Variants in ANKRD31 observed in about 807,000 individuals in gnomAD.
ANKRD31 encodes the protein ankyrin repeat domain-containing protein 31.
Under a neutral mutation model 186.0 loss-of-function variants are expected in ANKRD31, and 147 were observed. The observed-to-expected ratio is 0.79, with a 90% CI of 0.69 to 0.91. The LOEUF (loss-of-function observed/expected upper bound fraction) is 0.91. Among genes scored for constraint, ANKRD31 ranks in the 40% least tolerant of loss-of-function variants. The pLI is 0.00. For synonymous variants in ANKRD31, 673 were observed against 736.4 expected, an observed-to-expected ratio of 0.91 and a Z score of 1.39; for missense variants, 1,986 against 2,148.8, an observed-to-expected ratio of 0.92 and a Z score of 1.50.
intron 17 of ANKRD31, among the ~76,000 whole-genome samples, chr5:75,120,934 C>G (rs575626617): frequency 6.6e-6 from 1 of 152,078 alleles, no homozygotes; most frequent in Non-Finnish European, 1.5e-5. Context: ...CCTGTAATCC[C>G]AGCACTTTGG....
At chr5:75,089,046 C>A (rs1745730299) in intron 23 of ANKRD31, among the ~76,000 whole-genome samples, 1 of 152,154 alleles carries the variant, frequency 6.6e-6, no homozygotes, top group Admixed American at 6.5e-5. Context: ...GATATTAGAT[C>A]AGAAGTTATG....
In ANKRD31 at chr5:75,193,439, T is replaced by A; in HGVS notation, c.1170A>T (p.Leu390=). 1.3e-6 allele frequency: 2 copies of A among 1,537,410 alleles called. No individual in the cohort carries two copies. Among genetic ancestry groups the A allele is most frequent in the Non-Finnish European group, 1.7e-6 (2 of 1,146,822 alleles). Residue 390 remains leucine, a synonymous_variant, in exon 8 of 26, where the codon CTA becomes CTT. Transcript: ENST00000506364. ...TACVLRRSSR[L]EKLKVSRDAK... is the part of the protein sequence containing the mutation. ...CATCTCTGCTTACTTTCAGTTTTTC[T>A]AGTCTGGATGATCTCCTCAACACAC...
intron 11 of ANKRD31, among the ~76,000 whole-genome samples, chr5:75,166,072 T>A (rs1391240331): frequency 6.6e-6 from 1 of 152,204 alleles, no homozygotes; most frequent in Non-Finnish European, 1.5e-5. Flanking sequence ...GTATTATGTC[T>A]GGGATTTCTT....
Position 75,116,615 on chromosome 5 carries a change from T to A in ANKRD31, c.4106A>T (p.Asp1369Val). 6.8e-7 allele frequency: 1 copy of A among 1,475,102 alleles called. No homozygotes were observed. The highest frequency in any genetic ancestry group is 9.0e-7 in the Non-Finnish European group (1 of 1,108,426). 91.4% of individuals were successfully genotyped at this position (1,475,102 alleles called of 1,614,324 possible). ...TTCTTGGTGTGAAAGGGAAGATGAGTCAATAGTTTTGCCATCATCACAAAA... is the reference window on the plus strand; with the variant it reads ...TTCTTGGTGTGAAAGGGAAGATGAGACAATAGTTTTGCCATCATCACAAAA... ...QCFCDDGKTI[D>V]SSSLSHQERS... The change falls in exon 19 of 26, where the codon GAC becomes GTC. Residue 1369 changes from aspartate (D) to valine (V), a missense_variant. Physicochemically the swap from Asp to Val is radical, Grantham distance 152 (BLOSUM62 -3). Transcript: ENST00000506364.
chr5:75,146,531 T>G lies in ANKRD31; in HGVS notation c.2880A>C (p.Ala960=), dbSNP rs945719828. The G allele has an allele frequency of 1.2e-5, 19 of 1,536,446 alleles. No homozygotes were observed. In the African/African-American group the frequency reaches 2.5e-4, roughly 20 times the overall value. Residue 960 remains alanine, a synonymous_variant, in exon 14 of 26, where the codon GCA becomes GCC. Transcript: ENST00000506364. ...DHLSQENELK[A]VSLTTLPEQE... is the part of the protein sequence containing the mutation. ...GTTCTGGAAGTGTGGTTAGGCTGAC[T>G]GCTTTTAACTCATTTTCCTGTGAAA...
At chr5:75,207,836 T>A (rs1210098568) in intron 4 of ANKRD31, among the ~76,000 whole-genome samples, 2 of 152,074 alleles carry the variant, frequency 1.3e-5, no homozygotes, top group African/African-American at 4.8e-5. Flanking sequence ...AATGAACTTA[T>A]AATGTTGGTA....
rs1751503039 is a variant in ANKRD31 at position 75,147,129 on chromosome 5, C to G, written c.2282G>C (p.Arg761Thr). 1.3e-6 allele frequency: 2 copies of G among 1,536,218 alleles called. No homozygotes were observed. Among genetic ancestry groups the G allele is most frequent in the African/African-American group, 2.7e-5 (2 of 72,964 alleles). The change falls in exon 14 of 26, where the codon AGA becomes ACA. Residue 761 changes from arginine (R) to threonine (T), a missense_variant. Transcript: ENST00000506364. ...LAVSPSRRIN[R>T]LVTYQQHIPE... ...AATATGCTGCTGATAGGTAACCAAT[C>G]TGTTTATTCTCCTGGAAGGAGAGAC...
chr5:75,178,803 C>T lies in ANKRD31; in HGVS notation c.1565-9682G>A, dbSNP rs1270304008. Among the ~76,000 whole-genome samples the T allele has an allele frequency of 5.9e-5, 9 of 151,836 alleles. 1 individual carries two copies. The highest frequency in any genetic ancestry group is 1.2e-4 in the Non-Finnish European group (8 of 67,976). On this transcript the variant is annotated intron_variant, in intron 10 of 25. Transcript: ENST00000506364. ...AGCAGGAAACATCTAAAATTGACAC[C>T]CTAACTTCACAATTCAAAGAACTAG...
At chr5:75,190,607 ATGTG>A (rs57136126) in intron 9 of ANKRD31, among the ~76,000 whole-genome samples, 2 of 147,812 alleles carry the variant, frequency 1.4e-5, no homozygotes, top group Admixed American at 6.7e-5. Flanking sequence ...GTGCTTATAT[ATGTG>A]TGTGTGTGTG....
intron 17 of ANKRD31, among the ~76,000 whole-genome samples, chr5:75,135,070 G>T (rs993120437): frequency 1.3e-5 from 2 of 152,064 alleles, no homozygotes; most frequent in African/African-American, 2.4e-5. Flanking sequence ...ATACTGAATG[G>T]GCAAAAACTG....
At chr5:75,076,656 G>A (rs1218770028) in intron 25 of ANKRD31, among the ~76,000 whole-genome samples, 1 of 152,212 alleles carries the variant, frequency 6.6e-6, no homozygotes, top group Non-Finnish European at 1.5e-5. Context: ...CCTCCTGAGA[G>A]GTTGAAGTGT....
chr5:75,141,602 C>A (rs1264989300), intron 15 of ANKRD31, among the ~76,000 whole-genome samples: 2 of 151,928 alleles, frequency 1.3e-5, no homozygotes, highest in Non-Finnish European at 2.9e-5. Flanking sequence ...CGTGCCACTG[C>A]ACTCCAGCCT....
intron 11 of ANKRD31, among the ~76,000 whole-genome samples, chr5:75,163,226 T>C (rs2150177294): frequency 6.6e-6 from 1 of 152,314 alleles, no homozygotes; most frequent in South Asian, 2.1e-4. Flanking sequence ...GAATTTTGGA[T>C]TTTGGAATAT....
At position 75,147,405 on chromosome 5, in the gene ANKRD31, G is replaced by A. The variant is rs1167129558; in HGVS notation, c.2006C>T (p.Ala669Val). 14 of 1,520,784 alleles carry A rather than the reference G, an allele frequency of 9.2e-6. No individual in the cohort carries two copies. Among genetic ancestry groups the A allele is most frequent in the South Asian group, 7.4e-5 (6 of 81,014 alleles). The allele number at this position is 1,520,784 out of a possible 1,614,324, so 94.2% of individuals were successfully genotyped here. A position where few individuals can be genotyped will look rare whatever the true frequency, so the allele number is the denominator to read the frequency against. ...ATCTTCTTTATTTATAAATAAACTC[G>A]CTTTGCTTCCTTTATTGACTTTTAC... Reference protein sequence around the residue: ...EHVKVNKGSKASLFINKEDVY... With the variant: ...EHVKVNKGSKVSLFINKEDVY... Residue 669 changes from alanine to valine, a missense_variant, in exon 14 of 26, where the codon GCG becomes GTG. By Grantham distance (64) the Ala-to-Val change is moderately conservative. Transcript: ENST00000506364.
At chr5:75,089,348 GCT>G (rs1745753353) in intron 23 of ANKRD31, among the ~76,000 whole-genome samples, 1 of 152,108 alleles carries the variant, frequency 6.6e-6, no homozygotes, top group Non-Finnish European at 1.5e-5. Flanking sequence ...GCACCTACTG[GCT>G]CTGTCACTCT....
Position 75,087,476 on chromosome 5 carries a change from C to T in ANKRD31, c.5473-3102G>A, listed in dbSNP as rs149743890. On this transcript the variant is annotated intron_variant, in intron 23 of 25. Coordinates refer to ENST00000506364, the MANE Select transcript of ANKRD31 (RefSeq NM_001372053.1). ...GAGCTGAGATCAGGCCACTGCACTC[C>T]GGCCTGGGCAAGACAGCGAGACTCT... Among the ~76,000 whole-genome samples, 119 of 151,600 alleles carry T rather than the reference C, an allele frequency of 7.8e-4. 1 individual carries two copies. In the South Asian group the frequency reaches 8.3e-3, roughly 11 times the overall value.
intron 21 of ANKRD31, 139 bp from the exon 22 acceptor site, chr5:75,105,357 G>T: frequency 1.1e-6 from 1 of 939,894 alleles, no homozygotes; most frequent in South Asian, 3.8e-5. Flanking sequence ...GCAATTTACT[G>T]CCTTTGATTT....
At position 75,217,411 on chromosome 5, in the gene ANKRD31, G is replaced by A. The variant is rs1472433526; in HGVS notation, c.288+4838C>T. On this transcript the variant is annotated intron_variant, in intron 3 of 25. Transcript: ENST00000506364. ...TATGAATATGGGTGCACCTGAGTTG[G>A]GTGCATACAGATTTAGGACAGTTAA... is the stretch of plus-strand genomic sequence containing the variant. 4.6e-5 allele frequency among the ~76,000 whole-genome samples: 7 copies of A among 152,174 alleles called. No individual in the cohort carries two copies. In the South Asian group the frequency reaches 1.2e-3, roughly 27 times the overall value.
Position 75,146,895 on chromosome 5 carries a change from C to T in ANKRD31, c.2516G>A (p.Gly839Glu), listed in dbSNP as rs1364524925. The change falls in exon 14 of 26, where the codon GGG (glycine) becomes GAG (glutamate). Residue 839 changes from glycine (G) to glutamate (E), a missense_variant. Gly to Glu is a moderately conservative substitution (Grantham distance 98). Transcript: ENST00000506364. Reference protein sequence around the residue: ...VDQTEAVSFPGLLLHKEIKLP... With the variant: ...VDQTEAVSFPELLLHKEIKLP... Reference sequence around the variant, plus strand: ...CTTGATTTCTTTATGTAATAAAAGCCCTGGGAAAGAAACAGCTTCAGTTTG... The same window carrying T: ...CTTGATTTCTTTATGTAATAAAAGCTCTGGGAAAGAAACAGCTTCAGTTTG... The T allele has an allele frequency of 1.3e-6, 2 of 1,536,300 alleles. No individual in the cohort carries two copies. The highest frequency in any genetic ancestry group is 2.4e-5 in the East Asian group (1 of 40,876).
Sources: gnomAD v4.1 joint callset for allele counts (sites outside exome capture counted in the v4.1 genomes callset) on GRCh38, gnomAD v4.1.1 for gene constraint, MANE v1.5 for transcripts, NCBI Gene and HGNC (gene_info 2026-07-23, HGNC 2026-07-21) for gene names.